Variants in PDE11A observed in about 807,000 individuals in gnomAD.
The protein encoded by PDE11A is dual 3',5'-cyclic-AMP and -GMP phosphodiesterase 11A.
In PDE11A, 100 loss-of-function variants were observed where a neutral mutation model predicts 100.5. That is an observed-to-expected ratio of 1.00 (90% confidence interval 0.85 to 1.18). PDE11A has a LOEUF of 1.18. Among genes scored for constraint, PDE11A ranks in the 50% most tolerant of loss-of-function variants. The probability of loss-of-function intolerance (pLI) is 0.00; values close to 1 mark genes in which losing one functional copy is unlikely to be tolerated. For missense variants in PDE11A, 1,141 were observed against 1,152.6 expected (o/e 0.99, Z 0.15); for synonymous variants, 381 against 420.8 (o/e 0.91, Z 1.16).
At chr2:177,880,466 C>T (rs773943671) in intron 4 of PDE11A, among the ~76,000 whole-genome samples, 7 of 152,174 alleles carry the variant, frequency 4.6e-5, no homozygotes, top group Non-Finnish European at 1.0e-4. Context: ...TGACACTATC[C>T]ATGACTCCAT....
chr2:177,691,897 T>G (rs1296007085), intron 15 of PDE11A, among the ~76,000 whole-genome samples: 1 of 152,190 alleles, frequency 6.6e-6, no homozygotes, highest in East Asian at 1.9e-4. Flanking sequence ...AATCAATAGC[T>G]TATGTTATGT....
intron 1 of PDE11A, among the ~76,000 whole-genome samples, chr2:178,047,280 A>G (rs536022672): frequency 6.6e-6 from 1 of 152,100 alleles, no homozygotes; most frequent in East Asian, 1.9e-4. Context: ...TGGCCAACAC[A>G]GTGAAACCCC....
chr2:177,902,921 C>T (rs938145504), intron 3 of PDE11A, among the ~76,000 whole-genome samples: 8 of 152,154 alleles, frequency 5.3e-5, no homozygotes, highest in Admixed American at 3.9e-4. Flanking sequence ...CTGCTCCAGC[C>T]TTCTCCCTCC....
At chr2:177,695,762 T>C (rs182452155) in intron 15 of PDE11A, among the ~76,000 whole-genome samples, 2 of 152,320 alleles carry the variant, frequency 1.3e-5, no homozygotes, top group Non-Finnish European at 2.9e-5. Flanking sequence ...GCATTCTATA[T>C]ACTGATTTTC....
chr2:178,094,781 T>C (rs1181546091), intron 2 of PDE11A, among the ~76,000 whole-genome samples: 2 of 152,144 alleles, frequency 1.3e-5, no homozygotes, highest in African/African-American at 4.8e-5. Flanking sequence ...TCAAGAAACT[T>C]ACCATGATGG....
intron 9 of PDE11A, among the ~76,000 whole-genome samples, chr2:177,797,423 C>T (rs2082721723): frequency 6.6e-6 from 1 of 152,128 alleles, no homozygotes; most frequent in Admixed American, 6.5e-5. Flanking sequence ...ACTGTGTACT[C>T]CATGCTGTTT....
chr2:178,027,407 G>A (rs951007433), intron 1 of PDE11A, among the ~76,000 whole-genome samples: 1 of 152,150 alleles, frequency 6.6e-6, no homozygotes, highest in African/African-American at 2.4e-5. Context: ...TACCATCTAA[G>A]ACAGCACAAT....
chr2:177,870,636 T>C (rs890286087), intron 5 of PDE11A, among the ~76,000 whole-genome samples: 1 of 152,214 alleles, frequency 6.6e-6, no homozygotes, highest in Non-Finnish European at 1.5e-5. Flanking sequence ...TACTTGCAAG[T>C]AATAAACGTA....
At chr2:177,698,847 A>G (rs1158595821) in intron 14 of PDE11A, among the ~76,000 whole-genome samples, 1 of 152,196 alleles carries the variant, frequency 6.6e-6, no homozygotes, top group African/African-American at 2.4e-5. Flanking sequence ...TTGCCTGTGC[A>G]TTACCCAATG....
intron 3 of PDE11A, among the ~76,000 whole-genome samples, chr2:177,900,564 T>C (rs533586063): frequency 3.2e-4 from 48 of 152,314 alleles, no homozygotes; most frequent in African/African-American, 1.2e-3. Context: ...TAGAGCAGCC[T>C]GGGCAACATG....
In PDE11A at chr2:177,642,729, T is replaced by C. The variant is rs900804068; in HGVS notation, c.2647-13167A>G. ...GTTTCTTGCTGTTGGAATATTGATATGGTTTGGCTGTCTCCCCAACCAAAT... is the reference window on the plus strand; with the variant it reads ...GTTTCTTGCTGTTGGAATATTGATACGGTTTGGCTGTCTCCCCAACCAAAT... On this transcript the variant is annotated intron_variant, in intron 19 of 19. Transcript: ENST00000286063. Among the ~76,000 whole-genome samples the C allele has an allele frequency of 7.2e-5, 11 of 152,342 alleles. No homozygotes were observed. In the East Asian group the frequency reaches 9.6e-4, roughly 13 times the overall value.
At chr2:177,836,960 A>G (rs6713949) in intron 6 of PDE11A, among the ~76,000 whole-genome samples, 147,573 of 152,198 alleles carry the variant, frequency 0.97, 71,698 homozygotes, top group Middle Eastern at 1. Context: ...CACTCACCAC[A>G]AGGGTCCACA....
At chr2:177,924,533 A>C (rs2085099187) in intron 2 of PDE11A, among the ~76,000 whole-genome samples, 1 of 152,216 alleles carries the variant, frequency 6.6e-6, no homozygotes, top group Admixed American at 6.5e-5. Flanking sequence ...CCAGTGTCAA[A>C]TCATGAAGAG....
At chr2:178,002,620 T>C (rs2086159003) in intron 2 of PDE11A, among the ~76,000 whole-genome samples, 1 of 152,174 alleles carries the variant, frequency 6.6e-6, no homozygotes, top group African/African-American at 2.4e-5. Context: ...TGTGGTCGAA[T>C]TGGCTTAGGT....
chr2:177,897,332 C>T (rs893147983), intron 4 of PDE11A, among the ~76,000 whole-genome samples: 1 of 152,198 alleles, frequency 6.6e-6, no homozygotes, highest in Admixed American at 6.5e-5. Flanking sequence ...CTTAACAAAA[C>T]CAGAAAGCTG....
intron 1 of PDE11A, among the ~76,000 whole-genome samples, chr2:178,068,842 A>T (rs1559061258): frequency 6.6e-6 from 1 of 152,240 alleles, no homozygotes; most frequent in Non-Finnish European, 1.5e-5. Context: ...TCTTACTAAC[A>T]GGAACAAAGT....
At chr2:177,656,231 A>G (rs1047022747) in intron 19 of PDE11A, among the ~76,000 whole-genome samples, 1 of 152,238 alleles carries the variant, frequency 6.6e-6, no homozygotes, top group Non-Finnish European at 1.5e-5. Flanking sequence ...TAAGATTATA[A>G]TATCATATTT....
In PDE11A at chr2:177,875,929, G is replaced by A. The variant is rs74514411; in HGVS notation, c.1303-6C>T. 179 of 1,579,184 alleles carry A rather than the reference G, an allele frequency of 1.1e-4. 1 individual carries two copies. The highest frequency in any genetic ancestry group is 1.4e-4 in the Non-Finnish European group (161 of 1,148,242). Reference sequence around the variant, plus strand: ...GATTTGGTAAATTTCACCACCTGTCGCATAGAAAGATAATAAATCCAGGTC... The same window carrying A: ...GATTTGGTAAATTTCACCACCTGTCACATAGAAAGATAATAAATCCAGGTC... On this transcript the variant is annotated splice_region_variant and splice_polypyrimidine_tract_variant and intron_variant, in intron 4 of 19. Transcript: ENST00000286063.
chr2:177,900,100 A>T (rs138045745), intron 3 of PDE11A, among the ~76,000 whole-genome samples: 74 of 152,328 alleles, frequency 4.9e-4, no homozygotes, highest in African/African-American at 1.7e-3. Context: ...GAAAAATAAA[A>T]AATAAATAAT....
Sources: gnomAD v4.1 joint callset for allele counts (sites outside exome capture counted in the v4.1 genomes callset) on GRCh38, gnomAD v4.1.1 for gene constraint, MANE v1.5 for transcripts, NCBI Gene and HGNC (gene_info 2026-07-23, HGNC 2026-07-21) for gene names.